The following TRIM31 variants were observed in gnomAD, a reference collection of about 807,000 sequenced individuals.
TRIM31 encodes the protein E3 ubiquitin-protein ligase TRIM31.
In TRIM31, 31 loss-of-function variants were observed where a neutral mutation model predicts 40.6. The observed-to-expected ratio is 0.76, with a 90% confidence interval of 0.57 to 1.03. The LOEUF is 1.03. TRIM31 is among the 50% of genes least tolerant of loss of function. The pLI is 0.00. For synonymous variants in TRIM31, 164 were observed against 193.9 expected (o/e 0.85, Z 1.28); for missense variants, 455 against 497.5 (o/e 0.91, Z 0.81).
chr6:30,111,111 G>A (rs2427749), intron 3 of TRIM31: 15,911 of 182,184 alleles, frequency 0.087, 995 homozygotes, highest in Non-Finnish European at 0.12. Context: ...GCTCACTGCA[G>A]CCTCATCCTC....
Position 30,110,977 on chromosome 6 carries a change from C to T in TRIM31, c.514-299G>A, listed in dbSNP as rs548846583. Among the ~76,000 whole-genome samples the T allele has an allele frequency of 1.6e-4, 24 of 151,398 alleles. 1 individual carries two copies. Among genetic ancestry groups the T allele is most frequent in the Middle Eastern group, 3.5e-3 (1 of 288 alleles). On this transcript the variant is annotated intron_variant, in intron 3 of 8. Coordinates refer to ENST00000376734, the MANE Select transcript of TRIM31 (RefSeq NM_007028.5). ...TTTCATATAGATTTTATTCCTTTCA[C>T]GCACACAGGAAAATAGGTAAGTGGG... is the stretch of plus-strand genomic sequence containing the variant.
At chr6:30,112,935 G>A (rs535542015) in intron 1 of TRIM31, 47 bp from the exon 2 acceptor site, 1 of 824,362 alleles carries the variant, frequency 1.2e-6, no homozygotes, top group Non-Finnish European at 1.8e-6. Flanking sequence ...CAGAGATTCT[G>A]CCAATTAGTT....
intron 6 of TRIM31, among the ~76,000 whole-genome samples, chr6:30,106,458 A>AC (rs1164615214): frequency 6.6e-6 from 1 of 152,074 alleles, no homozygotes; most frequent in African/African-American, 2.4e-5. Context: ...GGGAGAACCA[A>AC]CCCTCATAAT....
At chr6:30,112,246 T>C in intron 2 of TRIM31, 143 bp downstream of exon 2, 1 of 847,882 alleles carries the variant, frequency 1.2e-6, no homozygotes, top group Middle Eastern at 3.6e-4. Flanking sequence ...TTGAACCCAC[T>C]GTGCCTGACT....
intron 2 of TRIM31, chr6:30,112,068 AAGGTGAGGT>A (rs1172070285): frequency 3.6e-6 from 2 of 549,640 alleles, no homozygotes; most frequent in African/African-American, 3.8e-5. Context: ...TGCCATTTGA[AAGGTGAGGT>A]ACCTGAGGCT....
chr6:30,104,043 A>C (rs1768455887), intron 8 of TRIM31, 59 bp downstream of exon 8: 1 of 1,556,916 alleles, frequency 6.4e-7, no homozygotes, highest in South Asian at 1.1e-5. Flanking sequence ...GGGTGGATAC[A>C]GCATTTTGAC....
intron 6 of TRIM31, chr6:30,105,679 C>G (rs1768610369): frequency 6.5e-6 from 1 of 154,380 alleles, no homozygotes; most frequent in Non-Finnish European, 1.4e-5. Context: ...ATTAATGATT[C>G]TTCACATATA....
chr6:30,105,081 C>A, intron 7 of TRIM31, 87 bp downstream of exon 7: 2 of 1,175,122 alleles, frequency 1.7e-6, no homozygotes, highest in Non-Finnish European at 1.2e-6. Context: ...TTATATCTGG[C>A]CTTCATGTAA....
At chr6:30,109,203 C>T (rs1039331751) in intron 4 of TRIM31, among the ~76,000 whole-genome samples, 155 bp from the exon 5 acceptor site, 4 of 152,086 alleles carry the variant, frequency 2.6e-5, no homozygotes, top group South Asian at 2.1e-4. Context: ...CTCCCCACCA[C>T]GAAGGGCTTC....
intron 6 of TRIM31, among the ~76,000 whole-genome samples, chr6:30,106,547 G>A (rs1409687933): frequency 6.6e-6 from 1 of 152,090 alleles, no homozygotes; most frequent in African/African-American, 2.4e-5. Context: ...AATAGGGCCA[G>A]GTGGCCATTG....
rs1315444544 is a variant in TRIM31, at chr6:30,107,063, G to GCACT, written c.883+986_883+989dup. ...TGCAGTGAGCCGAGATTGCGCCACTGCACTCTATCCTGGGCAATAAGAGCA... is the reference window on the plus strand; with the variant it reads ...TGCAGTGAGCCGAGATTGCGCCACTGCACTCACTCTATCCTGGGCAATAAGAGCA... On this transcript the variant is annotated intron_variant, in intron 6 of 8. Transcript: ENST00000376734. Among the ~76,000 whole-genome samples the GCACT allele has an allele frequency of 3.3e-4, 50 of 152,222 alleles. 5 individuals are homozygous for GCACT. The East Asian group carries it at 3.3e-3, about 10-fold the overall frequency.
At chr6:30,108,324 T>A in intron 5 of TRIM31, 156 bp from the exon 6 acceptor site, 1 of 601,434 alleles carries the variant, frequency 1.7e-6, no homozygotes, top group Non-Finnish European at 3.0e-6. Context: ...TTTGGGAGGC[T>A]GAGGCGGGTG....
rs750743441 is a variant in TRIM31 at position 30,110,781 on chromosome 6, A to G, written c.514-103T>C. On this transcript the variant is annotated intron_variant, in intron 3 of 8. Transcript: ENST00000376734. ...TTATTAAGTTTGTGTGGAATTCCCA[A>G]CCAGAGCAATGTGCCAGGGCAGACC... 4.1e-4 allele frequency: 472 copies of G among 1,143,322 alleles called. 1 individual carries two copies. The highest frequency in any genetic ancestry group is 7.1e-4 in the Admixed American group (32 of 44,956). 70.8% of individuals were successfully genotyped at this position (1,143,322 alleles called of 1,614,324 possible). A position where few individuals can be genotyped will look rare whatever the true frequency, so the allele number is the denominator to read the frequency against.
chr6:30,109,097 A>G, intron 4 of TRIM31, 49 bp from the exon 5 acceptor site: 1 of 1,602,492 alleles, frequency 6.2e-7, no homozygotes, highest in South Asian at 1.1e-5. Context: ...GCTGATTCCC[A>G]GGAGCCAAGG....
intron 7 of TRIM31, 85 bp from the exon 8 acceptor site, chr6:30,104,252 CA>C: frequency 7.4e-7 from 1 of 1,347,072 alleles, no homozygotes; most frequent in East Asian, 2.3e-5. Context: ...CTGCCATCAT[CA>C]ATCAGAACAG....
intron 5 of TRIM31, 78 bp from the exon 6 acceptor site, chr6:30,108,246 G>C: frequency 1.0e-6 from 1 of 993,106 alleles, no homozygotes; most frequent in East Asian, 2.4e-5. Context: ...ATACGCGGTT[G>C]AGAAATGAGG....
rs1300072645 is a variant in TRIM31, at chr6:30,107,450, AC to A, written c.883+602del. ...CTAGCTGTCTTTATGCCCACCTTAG[AC>A]CAACACAGTCTTCACATTAAGGGGA... is the stretch of plus-strand genomic sequence containing the variant. On this transcript the variant is annotated intron_variant, in intron 6 of 8. Coordinates refer to ENST00000376734, the MANE Select transcript of TRIM31 (RefSeq NM_007028.5). Among the ~76,000 whole-genome samples the A allele has an allele frequency of 2.0e-5, 3 of 152,106 alleles. No individual in the cohort carries two copies. In the East Asian group the frequency reaches 5.8e-4, roughly 29 times the overall value.
intron 3 of TRIM31, chr6:30,111,282 C>A (rs894822069): frequency 3.0e-5 from 7 of 230,504 alleles, no homozygotes; most frequent in Admixed American, 2.6e-4. Flanking sequence ...CTCAAGCGAT[C>A]CTCAGCCTCC....
chr6:30,103,934 C>A (rs1042490446), intron 8 of TRIM31, 145 bp from the exon 9 acceptor site: 31 of 1,407,076 alleles, frequency 2.2e-5, no homozygotes, highest in Middle Eastern at 4.9e-4. Context: ...CAAGTCGGAG[C>A]GCCCTCTGTT....
Sources: allele counts gnomAD v4.1 joint callset (sites outside exome capture counted in the v4.1 genomes callset), GRCh38; gene constraint gnomAD v4.1.1; transcripts MANE v1.5; gene names NCBI Gene and HGNC (gene_info 2026-07-23, HGNC 2026-07-21).